Variants in GPBP1 observed in about 807,000 individuals in gnomAD.
GPBP1 encodes the protein vasculin.
A neutral mutation model predicts 56.5 loss-of-function variants in GPBP1; 13 were observed. The ratio of observed to expected loss-of-function variants is 0.23; its 90% CI spans 0.15 to 0.37. The LOEUF is 0.37. GPBP1 is among the 10% of genes least tolerant of loss of function. GPBP1 has a pLI of 1.00. For synonymous variants in GPBP1, 204 were observed against 188.9 expected (o/e 1.08, Z -0.66); for missense variants, 477 against 572.3 (o/e 0.83, Z 1.70).
chr5:57,192,045 T>A (rs906658712), intron 2 of GPBP1, among the ~76,000 whole-genome samples: 1 of 152,246 alleles, frequency 6.6e-6, no homozygotes, highest in African/African-American at 2.4e-5. Context: ...CTTGTTTTCC[T>A]TCTATGTAAG....
chr5:57,181,041 G>T (rs1482534085), intron 2 of GPBP1, among the ~76,000 whole-genome samples: 3 of 152,162 alleles, frequency 2.0e-5, no homozygotes, highest in Non-Finnish European at 4.4e-5. Flanking sequence ...ACTGAATTAA[G>T]AATTAAAGGG....
intron 2 of GPBP1, among the ~76,000 whole-genome samples, chr5:57,189,875 G>C: frequency 6.6e-6 from 1 of 151,938 alleles, no homozygotes; most frequent in East Asian, 1.9e-4. Flanking sequence ...CCTCTTCTCT[G>C]TTCTTCCCTT....
intron 6 of GPBP1, among the ~76,000 whole-genome samples, chr5:57,244,340 G>A (rs1410884526): frequency 2.6e-5 from 4 of 152,120 alleles, no homozygotes; most frequent in Admixed American, 2.0e-4. Context: ...GTTGTGTTTG[G>A]TTTCCTCCCT....
chr5:57,188,984 G>T (rs1352189068), intron 2 of GPBP1, among the ~76,000 whole-genome samples: 1 of 151,032 alleles, frequency 6.6e-6, no homozygotes, highest in Non-Finnish European at 1.5e-5. Context: ...GCCTCTTTCT[G>T]TCTGTCTGTC....
chr5:57,238,451 G>A (rs1212775436), intron 6 of GPBP1, among the ~76,000 whole-genome samples: 166 of 152,194 alleles, frequency 1.1e-3, no homozygotes, highest in Non-Finnish European at 3.5e-4. Flanking sequence ...CTAGCTACTC[G>A]GGAGGCTGAG....
chr5:57,223,630 TA>T (rs1210555528), intron 3 of GPBP1, among the ~76,000 whole-genome samples: 1 of 151,992 alleles, frequency 6.6e-6, no homozygotes, highest in African/African-American at 2.4e-5. Context: ...CCACCTTCCT[TA>T]CCTCCTCACA....
rs1224088506 is a variant in GPBP1, at chr5:57,219,410, ACAAACAAAC to A, written c.63+5218_63+5226del. ...AAAAAAAAAAAAAAAAAAACCAAAA[ACAAACAAAC>A]AAAAAAAAAAACAACAAAACCACAC... On this transcript the variant is annotated intron_variant, in intron 3 of 11. Coordinates refer to ENST00000506184, the MANE Select transcript of GPBP1 (RefSeq NM_022913.4). Among the ~76,000 whole-genome samples, 43 of 62,506 alleles carry A rather than the reference ACAAACAAAC, an allele frequency of 6.9e-4. 2 individuals carry two copies. In the East Asian group the frequency reaches 9.1e-3, roughly 13 times the overall value. 41.0% of individuals were successfully genotyped at this position (62,506 alleles called of 152,430 possible). A position where few individuals can be genotyped will look rare whatever the true frequency, so the allele number is the denominator to read the frequency against.
At chr5:57,240,835 G>A (rs1242033023) in intron 6 of GPBP1, among the ~76,000 whole-genome samples, 2 of 152,024 alleles carry the variant, frequency 1.3e-5, no homozygotes, top group African/African-American at 2.4e-5. Context: ...TTAGCTGGGT[G>A]TGGTGGCACA....
At chr5:57,209,919 TTTGG>T (rs1755400773) in intron 2 of GPBP1, among the ~76,000 whole-genome samples, 2 of 152,200 alleles carry the variant, frequency 1.3e-5, no homozygotes, top group Non-Finnish European at 2.9e-5. Flanking sequence ...TACTCAGTAC[TTTGG>T]TTGTAGTTAG....
chr5:57,176,176 C>T lies in GPBP1; in HGVS notation c.-282C>T. 1 of 394,470 alleles carries T rather than the reference C, an allele frequency of 2.5e-6. No individual in the cohort carries two copies. Among genetic ancestry groups the T allele is most frequent in the Non-Finnish European group, 4.5e-6 (1 of 224,082 alleles). The allele number at this position is 394,470 out of a possible 1,614,324, so 24.4% of individuals were successfully genotyped here. On this transcript the variant is annotated 5_prime_UTR_variant, in exon 2 of 12. Transcript: ENST00000506184. Reference sequence around the variant, plus strand: ...ATGGAATAATAAAGAAGACTTTGATCTTAAATCTAAAGAACTTGGCTAATT... The same window carrying T: ...ATGGAATAATAAAGAAGACTTTGATTTTAAATCTAAAGAACTTGGCTAATT...
At chr5:57,208,890 T>C (rs938255271) in intron 2 of GPBP1, among the ~76,000 whole-genome samples, 3 of 151,664 alleles carry the variant, frequency 2.0e-5, no homozygotes, top group Non-Finnish European at 2.9e-5. Flanking sequence ...CTTGACCTCA[T>C]GTGATCCACC....
chr5:57,215,543 A>G (rs2111771939), intron 3 of GPBP1, among the ~76,000 whole-genome samples: 2 of 152,262 alleles, frequency 1.3e-5, no homozygotes, highest in East Asian at 3.9e-4. Flanking sequence ...TGTAGTTTTG[A>G]GGCCCAGTCT....
Position 57,236,051 on chromosome 5 carries a change from A to G in GPBP1, c.478+19A>G, listed in dbSNP as rs761991478. On this transcript the variant is annotated intron_variant, in intron 6 of 11. Transcript: ENST00000506184. The stretch of plus-strand genomic sequence containing the variant: ...GTGTGGGGTAAGTAATTTTTTATCT[A>G]TATTTGAGGGGCACAAAATGTTGAT... 1.3e-5 allele frequency: 20 copies of G among 1,497,472 alleles called. No homozygotes were observed. The highest frequency in any genetic ancestry group is 9.2e-5 in the South Asian group (8 of 87,136). The allele number at this position is 1,497,472 out of a possible 1,614,324, so 92.8% of individuals were successfully genotyped here. A position where few individuals can be genotyped will look rare whatever the true frequency, so the allele number is the denominator to read the frequency against.
chr5:57,259,885 A>G (rs1018548657), intron 10 of GPBP1, among the ~76,000 whole-genome samples: 7 of 152,150 alleles, frequency 4.6e-5, no homozygotes, highest in Admixed American at 1.3e-4. Context: ...TATCCCTTCC[A>G]AACAACTGTT....
intron 6 of GPBP1, among the ~76,000 whole-genome samples, chr5:57,242,106 A>C (rs192881661): frequency 6.6e-6 from 1 of 152,188 alleles, no homozygotes; most frequent in Non-Finnish European, 1.5e-5. Flanking sequence ...GAGTTGTTAC[A>C]CAGGACATAG....
chr5:57,191,686 C>T lies in GPBP1; in HGVS notation c.-58+15286C>T, dbSNP rs997710231. 7.9e-5 allele frequency among the ~76,000 whole-genome samples: 12 copies of T among 151,916 alleles called. No individual in the cohort carries two copies. In the East Asian group the frequency reaches 1.5e-3, roughly 20 times the overall value. ...AAGTGATTCTCCTGCCTCAGCCTCC[C>T]GAGTAGCTGGGACTACAGATGCGCA... is the stretch of plus-strand genomic sequence containing the variant. On this transcript the variant is annotated intron_variant, in intron 2 of 11. Coordinates refer to ENST00000506184, the MANE Select transcript of GPBP1 (RefSeq NM_022913.4).
chr5:57,230,151 C>T (rs186311383), intron 3 of GPBP1, among the ~76,000 whole-genome samples: 65 of 152,130 alleles, frequency 4.3e-4, no homozygotes, highest in African/African-American at 1.5e-3. Context: ...CAGCTGGTCT[C>T]GAACTCCCAA....
intron 6 of GPBP1, among the ~76,000 whole-genome samples, chr5:57,243,912 C>T (rs1440351857): frequency 1.3e-5 from 2 of 151,944 alleles, no homozygotes; most frequent in East Asian, 3.9e-4. Flanking sequence ...TGGTCTTGGA[C>T]TCCTGGACTC....
At chr5:57,234,329 T>A (rs913078476) in intron 5 of GPBP1, among the ~76,000 whole-genome samples, 1 of 152,248 alleles carries the variant, frequency 6.6e-6, no homozygotes, top group African/African-American at 2.4e-5. Flanking sequence ...TTTAGAGCAC[T>A]CATTCAATGC....
Sources: allele counts gnomAD v4.1 joint callset (sites outside exome capture counted in the v4.1 genomes callset), GRCh38; gene constraint gnomAD v4.1.1; transcripts MANE v1.5; gene names NCBI Gene and HGNC (gene_info 2026-07-23, HGNC 2026-07-21).